Variants in SPATA13 observed in about 807,000 individuals in gnomAD.
The protein encoded by SPATA13 is spermatogenesis-associated protein 13.
A neutral mutation model predicts 104.0 loss-of-function variants in SPATA13; 50 were observed. The ratio of observed to expected loss-of-function variants is 0.48; its 90% CI spans 0.38 to 0.61. The LOEUF is 0.61. Among genes scored for constraint, SPATA13 ranks in the 20% least tolerant of loss-of-function variants. The pLI is 0.00. For missense variants in SPATA13, 1,524 were observed against 1,690.6 expected (o/e 0.90, Z 1.73); for synonymous variants, 606 against 667.5 (o/e 0.91, Z 1.42).
chr13:24,160,482 G>C (rs1393728308), upstream of SPATA13, among the ~76,000 whole-genome samples: 1 of 152,172 alleles, frequency 6.6e-6, no homozygotes, highest in Non-Finnish European at 1.5e-5. Context: ...GACCTCAGGT[G>C]ATCCGCCCAC....
At chr13:24,105,706 C>T (rs1880422651) in intron 3 of SPATA13, among the ~76,000 whole-genome samples, 1 of 152,124 alleles carries the variant, frequency 6.6e-6, no homozygotes. Flanking sequence ...CCCTAACATT[C>T]ATAGGTCAAA....
intron 3 of SPATA13, among the ~76,000 whole-genome samples, chr13:24,114,681 A>C (rs1419944276): frequency 6.6e-6 from 1 of 151,012 alleles, no homozygotes; most frequent in Non-Finnish European, 1.5e-5. Context: ...TGTTGTTTTG[A>C]GATGGAGTTT....
chr13:24,004,650 A>G (rs76984576), intron 2 of SPATA13, among the ~76,000 whole-genome samples: 2,964 of 152,290 alleles, frequency 0.019, 37 homozygotes, highest in Non-Finnish European at 0.026. Flanking sequence ...TGGTCAGCAC[A>G]GTGCATCAAT....
In SPATA13 at chr13:24,236,341, A is replaced by G. The variant is rs181938850; in HGVS notation, c.1653+11759A>G. ...AGAGGACTTGAATAGACATTTCTCT[A>G]AAGAAGATATGCAGGTGAGCGGGTG... is the stretch of plus-strand genomic sequence containing the variant. On this transcript the variant is annotated intron_variant, in intron 2 of 12. Coordinates refer to ENST00000382108, the MANE Select transcript of SPATA13 (RefSeq NM_001166271.3). 1.2e-3 allele frequency among the ~76,000 whole-genome samples: 178 copies of G among 152,290 alleles called. 1 individual carries two copies. Among genetic ancestry groups the G allele is most frequent in the Admixed American group, 2.2e-3 (34 of 15,298 alleles).
At chr13:24,229,060 A>G (rs574365296) in intron 2 of SPATA13, among the ~76,000 whole-genome samples, 7 of 152,202 alleles carry the variant, frequency 4.6e-5, no homozygotes, top group Non-Finnish European at 1.0e-4. Flanking sequence ...TTGAACAAGT[A>G]CTTAAGCTTG....
intron 1 of SPATA13, among the ~76,000 whole-genome samples, chr13:24,165,353 C>G (rs537451700): frequency 6.6e-6 from 1 of 152,198 alleles, no homozygotes. Flanking sequence ...CTCTACCTGT[C>G]CAATCCAGGA....
At chr13:24,097,535 T>G (rs558770426) in intron 3 of SPATA13, among the ~76,000 whole-genome samples, 1 of 152,196 alleles carries the variant, frequency 6.6e-6, no homozygotes, top group East Asian at 1.9e-4. Context: ...CAGCCTAGTT[T>G]CTAAGTCCTT....
At chr13:24,229,453 C>T (rs1329082895) in intron 2 of SPATA13, among the ~76,000 whole-genome samples, 1 of 152,178 alleles carries the variant, frequency 6.6e-6, no homozygotes, top group Non-Finnish European at 1.5e-5. Context: ...GGAGTAACTT[C>T]ATCTGCCCCT....
At chr13:24,019,956 G>A (rs1454439636) in intron 3 of SPATA13, among the ~76,000 whole-genome samples, 1 of 152,098 alleles carries the variant, frequency 6.6e-6, no homozygotes, top group Non-Finnish European at 1.5e-5. Flanking sequence ...ACACCTCTTT[G>A]CCCCCATGTC....
chr13:24,198,614 A>G (rs1157930794), intron 1 of SPATA13, among the ~76,000 whole-genome samples: 1 of 152,224 alleles, frequency 6.6e-6, no homozygotes, highest in Non-Finnish European at 1.5e-5. Flanking sequence ...ATCAGTTTCT[A>G]GATAAATGTT....
chr13:24,266,975 T>C (rs7337335), intron 4 of SPATA13, among the ~76,000 whole-genome samples: 4,286 of 152,176 alleles, frequency 0.028, 210 homozygotes, highest in African/African-American at 0.098. Flanking sequence ...TAAGACTTCT[T>C]TGAACTATGG....
intron 3 of SPATA13, among the ~76,000 whole-genome samples, chr13:24,026,626 G>A (rs1306987914): frequency 7.9e-5 from 12 of 152,044 alleles, no homozygotes; most frequent in African/African-American, 1.9e-4. Flanking sequence ...CACCCAGGCC[G>A]GAGTGCAGTG....
At chr13:24,063,559 C>G (rs1419833923) in intron 3 of SPATA13, among the ~76,000 whole-genome samples, 3 of 152,016 alleles carry the variant, frequency 2.0e-5, no homozygotes, top group Admixed American at 2.0e-4. Context: ...CAAACTCCCC[C>G]ACATCATCAC....
At chr13:24,142,739 CCTT>C (rs1191115217) in intron 3 of SPATA13, among the ~76,000 whole-genome samples, 1 of 152,092 alleles carries the variant, frequency 6.6e-6, no homozygotes, top group Non-Finnish European at 1.5e-5. Flanking sequence ...TTCTCCTTCT[CCTT>C]CTCCTGGCGT....
intron 2 of SPATA13, among the ~76,000 whole-genome samples, chr13:23,993,823 G>C (rs1875533973): frequency 6.6e-6 from 1 of 152,204 alleles, no homozygotes; most frequent in Non-Finnish European, 1.5e-5. Context: ...ATTTATGCAG[G>C]CTGAGGGTGA....
intron 1 of SPATA13, among the ~76,000 whole-genome samples, chr13:24,194,033 C>T (rs1416493214): frequency 1.3e-5 from 2 of 152,280 alleles, no homozygotes; most frequent in East Asian, 3.9e-4. Flanking sequence ...AAGTTCATAG[C>T]CCATCTTCCC....
chr13:24,281,002 C>T, intron 4 of SPATA13, among the ~76,000 whole-genome samples: 1 of 152,212 alleles, frequency 6.6e-6, no homozygotes, highest in East Asian at 1.9e-4. Context: ...TCCAGCCACA[C>T]CCCCAGCCAG....
At chr13:24,261,935 C>T (rs189761042) in intron 4 of SPATA13, among the ~76,000 whole-genome samples, 3 of 152,270 alleles carry the variant, frequency 2.0e-5, no homozygotes, top group African/African-American at 7.2e-5. Flanking sequence ...CATAAAGGCT[C>T]AGGACTAATG....
chr13:24,003,692 CTG>C (rs1876086060), intron 2 of SPATA13, among the ~76,000 whole-genome samples: 1 of 152,154 alleles, frequency 6.6e-6, no homozygotes, highest in Admixed American at 6.5e-5. Flanking sequence ...AGTATTATGA[CTG>C]TAGAAAGTCC....
Sources: allele counts gnomAD v4.1 joint callset (sites outside exome capture counted in the v4.1 genomes callset), GRCh38; gene constraint gnomAD v4.1.1; transcripts MANE v1.5; gene names NCBI Gene and HGNC (gene_info 2026-07-23, HGNC 2026-07-21).